The following SERPINI1 variants were observed in gnomAD, a reference collection of about 807,000 sequenced individuals.
SERPINI1 encodes serpin family I member 1.
Under a neutral mutation model 41.1 loss-of-function variants are expected in SERPINI1, and 19 were observed. The observed-to-expected ratio is 0.46, with a 90% confidence interval of 0.32 to 0.68. The LOEUF is 0.68. Among genes scored for constraint, SERPINI1 ranks in the 30% least tolerant of loss-of-function variants. SERPINI1 has a pLI of 0.03. For missense variants in SERPINI1, 460 were observed against 479.2 expected, an observed-to-expected ratio of 0.96 and a Z score of 0.37; for synonymous variants, 138 against 156.6, an observed-to-expected ratio of 0.88 and a Z score of 0.89.
At chr3:167,772,076 AT>A (rs1726774460) in intron 1 of SERPINI1, among the ~76,000 whole-genome samples, 1 of 152,174 alleles carries the variant, frequency 6.6e-6, no homozygotes, top group Non-Finnish European at 1.5e-5. Flanking sequence ...CTTCAACTTA[AT>A]AGGTTTCAGT....
At chr3:167,824,440 C>T in intron 7 of SERPINI1, 33 bp from the exon 8 acceptor site, 1 of 1,509,938 alleles carries the variant, frequency 6.6e-7, no homozygotes, top group Non-Finnish European at 9.2e-7. Flanking sequence ...TGCACATCCA[C>T]AGACATATAA....
Position 167,752,245 on chromosome 3 carries a change from A to T in SERPINI1, c.-19+16422A>T, listed in dbSNP as rs372202521. On this transcript the variant is annotated intron_variant, in intron 1 of 8. Coordinates refer to ENST00000446050, the MANE Select transcript of SERPINI1 (RefSeq NM_001122752.2). The stretch of plus-strand genomic sequence containing the variant: ...AAATGTATCTCTAACCCAGACCTAC[A>T]CTCTGAACTCTGACCTTATTTATCT... Among the ~76,000 whole-genome samples, 5 of 152,110 alleles carry T rather than the reference A, an allele frequency of 3.3e-5. No homozygotes were observed. The East Asian group carries it at 5.8e-4, about 18-fold the overall frequency.
chr3:167,762,349 C>T lies in SERPINI1; in HGVS notation c.-19+26526C>T, dbSNP rs541010239. The stretch of plus-strand genomic sequence containing the variant: ...TAGATCATTACCCCTAGGAAACAAA[C>T]GTGCTGTTTTTTCTCCTGTCTTAAA... On this transcript the variant is annotated intron_variant, in intron 1 of 8. Transcript: ENST00000446050. Among the ~76,000 whole-genome samples, 12 of 152,182 alleles carry T rather than the reference C, an allele frequency of 7.9e-5. 1 individual carries two copies. In the South Asian group the frequency reaches 1.5e-3, roughly 18 times the overall value.
chr3:167,805,561 A>G (rs1711598481), intron 5 of SERPINI1, among the ~76,000 whole-genome samples: 1 of 152,150 alleles, frequency 6.6e-6, no homozygotes, highest in African/African-American at 2.4e-5. Flanking sequence ...CCATTTGTCA[A>G]TTTAGGCTTT....
chr3:167,744,744 A>G (rs2108530779), intron 1 of SERPINI1, among the ~76,000 whole-genome samples: 1 of 123,896 alleles, frequency 8.1e-6, no homozygotes, highest in East Asian at 2.0e-4. Flanking sequence ...TATATTATAT[A>G]TAACTATATT....
chr3:167,769,980 T>G (rs1307555960), intron 1 of SERPINI1, among the ~76,000 whole-genome samples: 3 of 87,688 alleles, frequency 3.4e-5, no homozygotes, highest in Admixed American at 1.1e-4. Context: ...TAGTTACATG[T>G]TTTTTTTTTT....
intron 1 of SERPINI1, among the ~76,000 whole-genome samples, chr3:167,753,602 T>TTGAAAA (rs1338809422): frequency 6.6e-6 from 1 of 152,138 alleles, no homozygotes; most frequent in Non-Finnish European, 1.5e-5. Context: ...ATCTTAAACT[T>TTGAAAA]ACCCCTGTGG....
chr3:167,814,562 G>A (rs1052521156), intron 6 of SERPINI1, among the ~76,000 whole-genome samples: 3 of 152,110 alleles, frequency 2.0e-5, no homozygotes, highest in African/African-American at 7.2e-5. Context: ...ATTTAAATTG[G>A]CTGAATTTAG....
At chr3:167,787,526 C>T (rs988010577) in intron 1 of SERPINI1, among the ~76,000 whole-genome samples, 2 of 152,192 alleles carry the variant, frequency 1.3e-5, no homozygotes, top group African/African-American at 4.8e-5. Flanking sequence ...CCAACGGTGG[C>T]TGAAATCAGT....
intron 5 of SERPINI1, among the ~76,000 whole-genome samples, chr3:167,800,827 G>A (rs952991130): frequency 1.3e-4 from 16 of 125,838 alleles, no homozygotes; most frequent in African/African-American, 6.5e-4. Context: ...TTTTCTTTTA[G>A]ACAGAATCTC....
chr3:167,758,342 T>C (rs933159925), intron 1 of SERPINI1, among the ~76,000 whole-genome samples: 2 of 152,204 alleles, frequency 1.3e-5, no homozygotes, highest in Non-Finnish European at 1.5e-5. Flanking sequence ...TAAGTAATGA[T>C]AGCAATGTAT....
Position 167,789,324 on chromosome 3 carries a change from G to A in SERPINI1, c.196G>A (p.Gly66Arg). 1.9e-6 allele frequency: 3 copies of A among 1,614,058 alleles called. No individual in the cohort carries two copies. Among genetic ancestry groups the A allele is most frequent in the Non-Finnish European group, 2.5e-6 (3 of 1,179,988 alleles). Residue 66 changes from glycine (G) to arginine (R), a missense_variant, in exon 2 of 9, where the codon GGA (glycine) becomes AGA (arginine). Gly to Arg is a moderately radical substitution (Grantham distance 125). Transcript: ENST00000446050. ...GGGAATGATGGAACTTGGGGCCCAA[G>A]GATCTACCCAGAAAGAAATCCGCCA... Reference protein sequence around the residue: ...AMGMMELGAQGSTQKEIRHSM... With the variant: ...AMGMMELGAQRSTQKEIRHSM...
chr3:167,812,164 C>T (rs74720044), intron 6 of SERPINI1, among the ~76,000 whole-genome samples: 1 of 152,308 alleles, frequency 6.6e-6, no homozygotes, highest in East Asian at 1.9e-4. Context: ...GCCTTCTAAA[C>T]AGTTTCCAAT....
intron 1 of SERPINI1, among the ~76,000 whole-genome samples, chr3:167,759,924 C>G (rs1287863434): frequency 6.6e-6 from 1 of 152,174 alleles, no homozygotes; most frequent in African/African-American, 2.4e-5. Flanking sequence ...ATTTCTGTAG[C>G]ATTCCAAGAG....
At chr3:167,816,276 C>A (rs1265030208) in intron 6 of SERPINI1, among the ~76,000 whole-genome samples, 1 of 152,028 alleles carries the variant, frequency 6.6e-6, no homozygotes, top group East Asian at 1.9e-4. Context: ...AAGCGATCAG[C>A]CCCAAGCGAT....
intron 1 of SERPINI1, among the ~76,000 whole-genome samples, chr3:167,782,526 C>T (rs1437172766): frequency 1.3e-5 from 2 of 152,124 alleles, no homozygotes; most frequent in Non-Finnish European, 2.9e-5. Context: ...ATTTATTTGG[C>T]ACCTACTATG....
At chr3:167,771,134 G>C (rs1009596053) in intron 1 of SERPINI1, among the ~76,000 whole-genome samples, 1 of 152,098 alleles carries the variant, frequency 6.6e-6, no homozygotes, top group African/African-American at 2.4e-5. Context: ...AAAATTATAA[G>C]TACTTGTATC....
At chr3:167,786,507 C>CAAAAAAA (rs71176662) in intron 1 of SERPINI1, among the ~76,000 whole-genome samples, 53 of 75,138 alleles carry the variant, frequency 7.1e-4, no homozygotes, top group African/African-American at 1.4e-3. Flanking sequence ...GACTCCGTCT[C>CAAAAAAA]AAAAAAAAAA....
At chr3:167,766,224 T>TAAAAAA (rs34346585) in intron 1 of SERPINI1, among the ~76,000 whole-genome samples, 1 of 126,122 alleles carries the variant, frequency 7.9e-6, no homozygotes, top group African/African-American at 2.9e-5. Context: ...GCAATTTACC[T>TAAAAAA]AAAAAAAAAA....
Sources: gnomAD v4.1 joint callset for allele counts (sites outside exome capture counted in the v4.1 genomes callset) on GRCh38, gnomAD v4.1.1 for gene constraint, MANE v1.5 for transcripts, NCBI Gene and HGNC (gene_info 2026-07-23, HGNC 2026-07-21) for gene names.